CPA6: variants seen among roughly 807,000 people sequenced by gnomAD.
CPA6 encodes the protein carboxypeptidase A6.
CPA6 carries 58 observed loss-of-function variants against 63.3 expected under a neutral mutation model. The observed-to-expected ratio is 0.92, with a 90% confidence interval of 0.74 to 1.14. The LOEUF (loss-of-function observed/expected upper bound fraction) is 1.14. Among genes scored for constraint, CPA6 ranks in the 50% most tolerant of loss-of-function variants. CPA6 has a pLI of 0.00. For missense variants in CPA6, 565 were observed against 526.6 expected, an observed-to-expected ratio of 1.07 and a Z score of -0.71; for synonymous variants, 185 against 179.0, an observed-to-expected ratio of 1.03 and a Z score of -0.27.
At chr8:67,430,890 C>G (rs1390228800) in intron 9 of CPA6, among the ~76,000 whole-genome samples, 1 of 151,920 alleles carries the variant, frequency 6.6e-6, no homozygotes, top group African/African-American at 2.4e-5. Context: ...GAGACAGGGT[C>G]TCACTCTGTC....
intron 2 of CPA6, among the ~76,000 whole-genome samples, chr8:67,563,558 G>C (rs1407206366): frequency 6.6e-6 from 1 of 152,096 alleles, no homozygotes; most frequent in Non-Finnish European, 1.5e-5. Flanking sequence ...CCTGCTGTTG[G>C]AACAACCCAT....
At position 67,605,079 on chromosome 8, in the gene CPA6, C is replaced by A. The variant is rs570960602; in HGVS notation, c.192+19097G>T. ...AGCCATGAGCCACTGTGCCCAGCCA[C>A]GTTTTTTTTTTTTTCTTTTTCTTTT... On this transcript the variant is annotated intron_variant, in intron 2 of 10. Transcript: ENST00000297770. Among the ~76,000 whole-genome samples the A allele has an allele frequency of 2.5e-4, 25 of 99,098 alleles. 1 individual carries two copies. The South Asian group carries it at 4.7e-3, about 19-fold the overall frequency. 65.0% of individuals were successfully genotyped at this position (99,098 alleles called of 152,430 possible).
intron 1 of CPA6, among the ~76,000 whole-genome samples, chr8:67,710,727 C>A (rs1327905865): frequency 6.7e-6 from 1 of 148,926 alleles, no homozygotes; most frequent in Admixed American, 6.7e-5. Flanking sequence ...TCCCATTGGC[C>A]CAAAGGGGGT....
chr8:67,424,279 G>C (rs534853523), intron 10 of CPA6, among the ~76,000 whole-genome samples: 1 of 152,190 alleles, frequency 6.6e-6, no homozygotes, highest in African/African-American at 2.4e-5. Context: ...TAATGCATTT[G>C]AATCATCCTA....
At chr8:67,736,249 T>C (rs1426179420) in intron 1 of CPA6, among the ~76,000 whole-genome samples, 1 of 152,160 alleles carries the variant, frequency 6.6e-6, no homozygotes, top group African/African-American at 2.4e-5. Context: ...TTTCCTATCT[T>C]AAGGAGTAAA....
chr8:67,710,575 T>C (rs944153934), intron 1 of CPA6, among the ~76,000 whole-genome samples: 6 of 152,038 alleles, frequency 3.9e-5, no homozygotes, highest in African/African-American at 1.2e-4. Context: ...AAAGAGTCTG[T>C]TTTGTCAGTC....
intron 1 of CPA6, among the ~76,000 whole-genome samples, chr8:67,640,529 C>T (rs1216677289): frequency 6.6e-6 from 1 of 151,298 alleles, no homozygotes; most frequent in Non-Finnish European, 1.5e-5. Context: ...CAGGAGCAGG[C>T]CCCCAGGAGT....
chr8:67,422,808 A>C, intron 10 of CPA6, 117 bp from the exon 11 acceptor site: 1 of 715,240 alleles, frequency 1.4e-6, no homozygotes, highest in Non-Finnish European at 2.2e-6. Flanking sequence ...TTCCAATTAA[A>C]TGCTGTTTCA....
intron 1 of CPA6, among the ~76,000 whole-genome samples, chr8:67,724,663 G>C (rs1453872425): frequency 6.6e-6 from 1 of 152,224 alleles, no homozygotes; most frequent in African/African-American, 2.4e-5. Flanking sequence ...AAAGTGCTTT[G>C]CAAAGTCTAA....
chr8:67,629,479 CAAAAA>C (rs34412333), intron 1 of CPA6, among the ~76,000 whole-genome samples: 1 of 94,018 alleles, frequency 1.1e-5, no homozygotes, highest in Admixed American at 1.2e-4. Flanking sequence ...GACCCTGTCT[CAAAAA>C]AAAAAAAAAA....
intron 1 of CPA6, among the ~76,000 whole-genome samples, chr8:67,633,122 T>C (rs769960001): frequency 2.4e-4 from 36 of 152,166 alleles, no homozygotes; most frequent in Non-Finnish European, 5.0e-4. Context: ...TACTACATCT[T>C]CTGGACAGAA....
chr8:67,672,720 G>A (rs374915128), intron 1 of CPA6, among the ~76,000 whole-genome samples: 2 of 152,088 alleles, frequency 1.3e-5, no homozygotes, highest in Non-Finnish European at 2.9e-5. Flanking sequence ...GCATCAAACC[G>A]GTCTAAAGTC....
rs553326750 is a variant in CPA6 at position 67,492,508 on chromosome 8, T to C, written c.637-7719A>G. On this transcript the variant is annotated intron_variant, in intron 6 of 10. Coordinates refer to ENST00000297770, the MANE Select transcript of CPA6 (RefSeq NM_020361.5). The stretch of plus-strand genomic sequence containing the variant: ...TTTACAAAGAAATAAGACATTTTAA[T>C]TCACAGTATTTCTCATGATTTAAAA... Among the ~76,000 whole-genome samples the C allele has an allele frequency of 1.6e-4, 25 of 152,294 alleles. No homozygotes were observed. In the East Asian group the frequency reaches 4.4e-3, roughly 27 times the overall value.
chr8:67,566,247 C>T (rs1400712804), intron 2 of CPA6, among the ~76,000 whole-genome samples: 1 of 152,210 alleles, frequency 6.6e-6, no homozygotes, highest in Non-Finnish European at 1.5e-5. Context: ...GGATATAACA[C>T]TATTGGTCCT....
chr8:67,580,044 G>A (rs1274801015), intron 2 of CPA6, among the ~76,000 whole-genome samples: 8 of 152,206 alleles, frequency 5.3e-5, no homozygotes, highest in Non-Finnish European at 1.2e-4. Flanking sequence ...CTTTCAGAAG[G>A]TTGTTTATTG....
At chr8:67,460,684 C>A (rs1036209517) in intron 8 of CPA6, among the ~76,000 whole-genome samples, 19 of 152,032 alleles carry the variant, frequency 1.2e-4, no homozygotes, top group African/African-American at 4.3e-4. Context: ...TAAATAGATT[C>A]CAGTAAAATA....
At chr8:67,592,643 C>T (rs1300432059) in intron 2 of CPA6, among the ~76,000 whole-genome samples, 1 of 151,870 alleles carries the variant, frequency 6.6e-6, no homozygotes, top group African/African-American at 2.4e-5. Flanking sequence ...GGAATTTATC[C>T]ATTTCTTCTA....
intron 1 of CPA6, among the ~76,000 whole-genome samples, chr8:67,736,538 CT>C (rs1817816333): frequency 6.6e-6 from 1 of 152,166 alleles, no homozygotes; most frequent in African/African-American, 2.4e-5. Context: ...CCTTATTTTC[CT>C]TTAACTGACA....
At chr8:67,542,610 A>G (rs1372634244) in intron 2 of CPA6, among the ~76,000 whole-genome samples, 1 of 152,246 alleles carries the variant, frequency 6.6e-6, no homozygotes, top group Non-Finnish European at 1.5e-5. Flanking sequence ...GAGCTTTGCC[A>G]TGATTGGTAA....
Sources: allele counts gnomAD v4.1 joint callset (sites outside exome capture counted in the v4.1 genomes callset), GRCh38; gene constraint gnomAD v4.1.1; transcripts MANE v1.5; gene names NCBI Gene and HGNC (gene_info 2026-07-23, HGNC 2026-07-21).